The following SKAP2 variants were observed in gnomAD, a reference collection of about 807,000 sequenced individuals.
SKAP2 encodes src kinase-associated phosphoprotein 2.
In SKAP2, 28 loss-of-function variants were observed where a neutral mutation model predicts 54.9. That is an observed-to-expected ratio of 0.51 (90% CI 0.38 to 0.70). The LOEUF is 0.70. SKAP2 is among the 30% of genes least tolerant of loss of function. SKAP2 has a pLI of 0.00. For missense variants in SKAP2, 356 were observed against 424.1 expected, an observed-to-expected ratio of 0.84 and a Z score of 1.41; for synonymous variants, 137 against 134.3, an observed-to-expected ratio of 1.02 and a Z score of -0.14.
intron 4 of SKAP2, among the ~76,000 whole-genome samples, chr7:26,764,583 TTTATC>T (rs556434148): frequency 6.1e-4 from 93 of 152,168 alleles, no homozygotes; most frequent in African/African-American, 2.2e-3. Flanking sequence ...CTTTTTTTCT[TTTATC>T]TTTTTTTATT....
intron 11 of SKAP2, among the ~76,000 whole-genome samples, chr7:26,678,337 AT>A (rs1302829315): frequency 1.3e-5 from 2 of 152,152 alleles, no homozygotes; most frequent in Admixed American, 6.5e-5. Flanking sequence ...TCTGATTATT[AT>A]GAGCAGGTCT....
At chr7:26,813,753 C>A (rs1017298101) in intron 4 of SKAP2, among the ~76,000 whole-genome samples, 2 of 152,206 alleles carry the variant, frequency 1.3e-5, no homozygotes, top group Non-Finnish European at 2.9e-5. Flanking sequence ...GCAATAGCAG[C>A]ATGCTACAGC....
chr7:26,773,401 C>T (rs1448460049), intron 4 of SKAP2, among the ~76,000 whole-genome samples: 1 of 152,202 alleles, frequency 6.6e-6, no homozygotes, highest in Non-Finnish European at 1.5e-5. Flanking sequence ...TTAGGTATTT[C>T]TTGGTATGTT....
chr7:26,859,127 C>A (rs1274437470), intron 1 of SKAP2, among the ~76,000 whole-genome samples: 2 of 152,084 alleles, frequency 1.3e-5, no homozygotes, highest in Non-Finnish European at 2.9e-5. Flanking sequence ...TCACACAGCA[C>A]CCCCATGGCC....
At chr7:26,755,898 A>G (rs1425512910) in intron 4 of SKAP2, among the ~76,000 whole-genome samples, 1 of 152,188 alleles carries the variant, frequency 6.6e-6, no homozygotes, top group Non-Finnish European at 1.5e-5. Flanking sequence ...AAATTTGACA[A>G]TACCCTGATA....
chr7:26,793,317 C>A (rs1309511985), intron 4 of SKAP2, among the ~76,000 whole-genome samples: 3 of 152,188 alleles, frequency 2.0e-5, no homozygotes, highest in Non-Finnish European at 4.4e-5. Context: ...CTTTCCTTAA[C>A]CCTATGCTCT....
intron 1 of SKAP2, among the ~76,000 whole-genome samples, chr7:26,863,826 T>G (rs1370561343): frequency 6.6e-6 from 1 of 152,168 alleles, no homozygotes; most frequent in Non-Finnish European, 1.5e-5. Context: ...GTGAGTGAGC[T>G]GAATGTTTAA....
At chr7:26,755,722 GAACA>G (rs1782776644) in intron 4 of SKAP2, among the ~76,000 whole-genome samples, 1 of 152,122 alleles carries the variant, frequency 6.6e-6, no homozygotes, top group African/African-American at 2.4e-5. Context: ...TTTGCTGAAT[GAACA>G]AACAAATGAA....
intron 1 of SKAP2, among the ~76,000 whole-genome samples, chr7:26,859,741 A>G (rs1584431698): frequency 6.6e-6 from 1 of 152,236 alleles, no homozygotes; most frequent in South Asian, 2.1e-4. Flanking sequence ...ACATATTTTC[A>G]AAGAAGCCAC....
At chr7:26,739,844 G>C (rs773801986) in intron 5 of SKAP2, 43 bp downstream of exon 5, 82 of 1,360,910 alleles carry the variant, frequency 6.0e-5, no homozygotes, top group Non-Finnish European at 8.4e-5. Context: ...TCTATCTAAG[G>C]ATGAAATTAT....
chr7:26,863,497 A>G (rs1400882437), intron 1 of SKAP2, among the ~76,000 whole-genome samples: 2 of 152,214 alleles, frequency 1.3e-5, no homozygotes, highest in Admixed American at 6.5e-5. Flanking sequence ...CCTTAAAAAC[A>G]TATATTTTCT....
At chr7:26,812,477 CA>C (rs986277817) in intron 4 of SKAP2, among the ~76,000 whole-genome samples, 6 of 150,330 alleles carry the variant, frequency 4.0e-5, no homozygotes, top group Admixed American at 1.3e-4. Context: ...GACAAAAATA[CA>C]AAAAAAAATC....
At chr7:26,851,246 C>T (rs1785033912) in intron 3 of SKAP2, among the ~76,000 whole-genome samples, 1 of 137,154 alleles carries the variant, frequency 7.3e-6, no homozygotes, top group Non-Finnish European at 1.6e-5. Context: ...GGCGAAACCC[C>T]GTTTTTACCA....
chr7:26,785,188 T>C (rs1203935638), intron 4 of SKAP2, among the ~76,000 whole-genome samples: 4 of 151,374 alleles, frequency 2.6e-5, no homozygotes, highest in Non-Finnish European at 5.9e-5. Flanking sequence ...GGAAACAGAG[T>C]GTTTTTTTGT....
intron 4 of SKAP2, among the ~76,000 whole-genome samples, chr7:26,780,306 T>C (rs1783400720): frequency 3.3e-5 from 5 of 152,114 alleles, no homozygotes; most frequent in Admixed American, 3.3e-4. Context: ...AGTTGTTTTA[T>C]TCTGCTTAGT....
chr7:26,768,281 CTTTTT>C (rs150416174), intron 4 of SKAP2, among the ~76,000 whole-genome samples: 1 of 140,122 alleles, frequency 7.1e-6, no homozygotes, highest in Admixed American at 7.0e-5. Flanking sequence ...GCAACCCCTG[CTTTTT>C]TTTTTTTTTG....
chr7:26,786,517 A>G (rs556943395), intron 4 of SKAP2, among the ~76,000 whole-genome samples: 1 of 152,328 alleles, frequency 6.6e-6, no homozygotes, highest in South Asian at 2.1e-4. Flanking sequence ...TGAGGAATAT[A>G]AAAGTATCAG....
intron 9 of SKAP2, among the ~76,000 whole-genome samples, chr7:26,718,694 C>T (rs187496790): frequency 6.5e-4 from 99 of 151,944 alleles, no homozygotes; most frequent in Admixed American, 4.3e-3. Flanking sequence ...TTAGTAGAGA[C>T]GGGGTTTCAC....
At chr7:26,832,219 C>T (rs1784610077) in intron 4 of SKAP2, among the ~76,000 whole-genome samples, 1 of 152,094 alleles carries the variant, frequency 6.6e-6, no homozygotes, top group Non-Finnish European at 1.5e-5. Context: ...ATATGCATAC[C>T]TTTTACCCAA....
Sources: gnomAD v4.1 joint callset for allele counts (sites outside exome capture counted in the v4.1 genomes callset) on GRCh38, gnomAD v4.1.1 for gene constraint, MANE v1.5 for transcripts, NCBI Gene and HGNC (gene_info 2026-07-23, HGNC 2026-07-21) for gene names.